Variants in FAM200B observed in about 807,000 individuals in gnomAD.
The protein encoded by FAM200B is protein FAM200B.
In FAM200B, 32 loss-of-function variants were observed where a neutral mutation model predicts 33.1. The observed-to-expected ratio is 0.97, with a 90% CI of 0.73 to 1.30. The LOEUF is 1.30. FAM200B is among the 50% of genes most tolerant of loss of function. The pLI is 0.00. For missense variants in FAM200B, 741 were observed against 754.0 expected (o/e 0.98, Z 0.20); for synonymous variants, 240 against 264.8 (o/e 0.91, Z 0.91).
At chr4:15,649,821 T>G in the FAM200B span, among the ~76,000 whole-genome samples, 38 of 152,066 alleles carry the variant, frequency 2.5e-4, no homozygotes, top group Non-Finnish European at 4.9e-4. Flanking sequence ...AAAGTAGATA[T>G]CAAAATCCTC....
the FAM200B span, among the ~76,000 whole-genome samples, chr4:15,666,866 A>G: frequency 6.6e-6 from 1 of 151,826 alleles, no homozygotes; most frequent in African/African-American, 2.4e-5. Context: ...CAAATGTCCC[A>G]CCATTAAAAA....
At chr4:15,677,748 T>TC (rs1718048109), upstream of FAM200B, among the ~76,000 whole-genome samples, 1 of 151,932 alleles carries the variant, frequency 6.6e-6, no homozygotes, top group African/African-American at 2.4e-5. Context: ...TACACAAAAA[T>TC]TGTAGTAGTA....
At chr4:15,644,011 C>T in the FAM200B span, among the ~76,000 whole-genome samples, 2 of 152,130 alleles carry the variant, frequency 1.3e-5, no homozygotes, top group Admixed American at 1.3e-4. Flanking sequence ...TAGGCCTGAC[C>T]TTATACTCTG....
chr4:15,665,407 G>T, the FAM200B span, among the ~76,000 whole-genome samples: 1 of 152,074 alleles, frequency 6.6e-6, no homozygotes, highest in African/African-American at 2.4e-5. Flanking sequence ...CTTATTATTA[G>T]TACAGCTCAT....
the FAM200B span, among the ~76,000 whole-genome samples, chr4:15,645,069 G>C: frequency 2.6e-5 from 4 of 151,964 alleles, no homozygotes; most frequent in African/African-American, 9.7e-5. Flanking sequence ...AGGGAAACTT[G>C]ATTAGGTTAA....
rs142285077 is a variant in FAM200B at position 15,686,472 on chromosome 4, C to T, written c.-506C>T. ...AGCAGACATACTCAAGGTACCAACA[C>T]AGCAAAGGCACAAAATGTCTCTATA... On this transcript the variant is annotated 5_prime_UTR_variant, in exon 2 of 2. Transcript: ENST00000422728. 15 of 152,350 alleles carry T rather than the reference C, an allele frequency of 9.8e-5. No homozygotes were observed. The East Asian group carries it at 2.9e-3, about 29-fold the overall frequency. The allele number at this position is 152,350 out of a possible 1,614,324, so 9.4% of individuals were successfully genotyped here.
chr4:15,676,729 AG>A (rs1718008578), upstream of FAM200B, among the ~76,000 whole-genome samples: 1 of 152,084 alleles, frequency 6.6e-6, no homozygotes, highest in East Asian at 1.9e-4. Flanking sequence ...GGTTGAAACT[AG>A]GTGTTGGGTT....
At chr4:15,663,562 G>A in the FAM200B span, among the ~76,000 whole-genome samples, 6 of 152,242 alleles carry the variant, frequency 3.9e-5, no homozygotes, top group South Asian at 8.3e-4. Flanking sequence ...TGCTACTACC[G>A]TTAAGCCACA....
the FAM200B span, among the ~76,000 whole-genome samples, chr4:15,660,274 A>C: frequency 6.6e-6 from 1 of 152,068 alleles, no homozygotes; most frequent in African/African-American, 2.4e-5. Context: ...GTAGAGGTGC[A>C]GTCTCATGAT....
upstream of FAM200B, among the ~76,000 whole-genome samples, chr4:15,679,063 ATTTTTTT>A (rs60866290): frequency 8.4e-6 from 1 of 118,756 alleles, no homozygotes; most frequent in Non-Finnish European, 1.7e-5. Context: ...TAAAATCTCT[ATTTTTTT>A]TTTTTTTTTT....
chr4:15,649,594 A>G, the FAM200B span, among the ~76,000 whole-genome samples: 1,942 of 150,624 alleles, frequency 0.013, 43 homozygotes, highest in African/African-American at 0.043. Flanking sequence ...AAAAAAAAAA[A>G]AAAGAAAGAA....
chr4:15,660,477 A>G, the FAM200B span, among the ~76,000 whole-genome samples: 12 of 152,292 alleles, frequency 7.9e-5, no homozygotes, highest in Non-Finnish European at 1.8e-4. Flanking sequence ...GCTACCTAGA[A>G]ATAGAGATGT....
the FAM200B span, among the ~76,000 whole-genome samples, chr4:15,649,355 G>A: frequency 1.3e-5 from 2 of 151,882 alleles, no homozygotes; most frequent in South Asian, 2.1e-4. Flanking sequence ...CGAGGCAGGC[G>A]GATCACAAGG....
At chr4:15,654,670 G>A in the FAM200B span, among the ~76,000 whole-genome samples, 1 of 152,222 alleles carries the variant, frequency 6.6e-6, no homozygotes, top group Non-Finnish European at 1.5e-5. Flanking sequence ...AAAAGGAACC[G>A]GGTAGCTGGG....
rs1256356620 is a variant in FAM200B, at chr4:15,687,443, CGTGTGGCAAAA to C, written c.468_478del (p.Val157GlufsTer4). The C allele has an allele frequency of 1.9e-6, 3 of 1,550,880 alleles. No individual in the cohort carries two copies. The East Asian group carries it at 7.3e-5, about 38-fold the overall frequency. On this transcript the variant is annotated frameshift_variant, in exon 2 of 2. Transcript: ENST00000422728. LOFTEE classifies it high-confidence loss of function. ...ATTATCATCATATTTAGTTGCATAT[CGTGTGGCAAAA>C]GAGAAAATAGCTAACACAGCTGCTG...
upstream of FAM200B, among the ~76,000 whole-genome samples, chr4:15,680,942 T>C (rs534790071): frequency 1.3e-5 from 2 of 148,896 alleles, no homozygotes; most frequent in African/African-American, 4.9e-5. Context: ...TATTCTCCTT[T>C]ATATGTTTTT....
chr4:15,687,388 T>C lies in FAM200B; in HGVS notation c.411T>C (p.Ser137=), dbSNP rs761438372. 8 of 1,547,228 alleles carry C rather than the reference T, an allele frequency of 5.2e-6. No homozygotes were observed. The South Asian group carries it at 7.2e-5, about 14-fold the overall frequency. Residue 137 remains serine, a synonymous_variant, in exon 2 of 2, where the codon AGT becomes AGC. Coordinates refer to ENST00000422728, the MANE Select transcript of FAM200B (RefSeq NM_001145191.2). ...TAAAGTTATCAACACAATTTCTTAGTTGTTCTACTGCTGTTAGTGAGAAAG... is the reference window on the plus strand; with the variant it reads ...TAAAGTTATCAACACAATTTCTTAGCTGTTCTACTGCTGTTAGTGAGAAAG... The part of the protein sequence containing the change: ...KDIKLSTQFL[S]CSTAVSEKAL...
At chr4:15,673,809 ATC>A in the FAM200B span, among the ~76,000 whole-genome samples, 5 of 152,260 alleles carry the variant, frequency 3.3e-5, no homozygotes, top group African/African-American at 1.2e-4. Context: ...TCCAGGCTCT[ATC>A]AACAGAGGGA....
upstream of FAM200B, among the ~76,000 whole-genome samples, chr4:15,679,491 C>T (rs528954117): frequency 6.9e-6 from 1 of 145,758 alleles, no homozygotes; most frequent in African/African-American, 2.5e-5. Context: ...ATTTTGATCA[C>T]AAGAGATTTT....
Sources: gnomAD v4.1 joint callset for allele counts (sites outside exome capture counted in the v4.1 genomes callset) on GRCh38, gnomAD v4.1.1 for gene constraint, MANE v1.5 for transcripts, NCBI Gene and HGNC (gene_info 2026-07-23, HGNC 2026-07-21) for gene names.